YWHAH: variants seen among roughly 807,000 people sequenced by gnomAD.
The protein encoded by YWHAH is tyrosine 3-monooxygenase/tryptophan 5-monooxygenase activation protein eta, also known as 14-3-3 protein eta.
In YWHAH, 6 loss-of-function variants were observed where a neutral mutation model predicts 22.9. That is an observed-to-expected ratio of 0.26 (90% confidence interval 0.14 to 0.52). The LOEUF is 0.52. Ranked by LOEUF, YWHAH falls within the 20% of genes least tolerant of loss-of-function variation. The probability of loss-of-function intolerance (pLI) is 0.97; values close to 1 mark genes in which losing one functional copy is unlikely to be tolerated. For missense variants in YWHAH, 173 were observed against 308.6 expected (o/e 0.56, Z 3.29); for synonymous variants, 135 against 124.5 (o/e 1.08, Z -0.56).
chr22:31,954,650 C>T (rs2093847310), intron 1 of YWHAH, among the ~76,000 whole-genome samples: 1 of 152,156 alleles, frequency 6.6e-6, no homozygotes, highest in Non-Finnish European at 1.5e-5. Context: ...TTCCTAGGCA[C>T]TCTCCCAGCT....
rs2093830807 is a variant in YWHAH at position 31,944,778 on chromosome 22, G to A, written c.45G>A (p.Glu15=). Residue 15 remains glutamate, a synonymous_variant, in exon 1 of 2, where the codon GAG becomes GAA. Transcript: ENST00000248975. ...EQLLQRARLA[E]QAERYDDMAS... ...TGCTGCAGCGGGCGCGGCTGGCCGA[G>A]CAGGCGGAGCGCTACGACGACATGG... 2 of 1,423,702 alleles carry A rather than the reference G, an allele frequency of 1.4e-6. No individual in the cohort carries two copies. Among genetic ancestry groups the A allele is most frequent in the South Asian group, 1.3e-5 (1 of 75,732 alleles). The allele number at this position is 1,423,702 out of a possible 1,614,324, so 88.2% of individuals were successfully genotyped here.
At chr22:31,954,158 C>T (rs895649082) in intron 1 of YWHAH, among the ~76,000 whole-genome samples, 1 of 152,202 alleles carries the variant, frequency 6.6e-6, no homozygotes, top group African/African-American at 2.4e-5. Flanking sequence ...TAACTTTCCC[C>T]AATGAACTTG....
chr22:31,955,635 G>A (rs1603055353), intron 1 of YWHAH, among the ~76,000 whole-genome samples: 1 of 151,996 alleles, frequency 6.6e-6, no homozygotes, highest in Non-Finnish European at 1.5e-5. Context: ...TAGAGATGGG[G>A]TTTCACCATG....
At chr22:31,955,738 G>A (rs1168219726) in intron 1 of YWHAH, among the ~76,000 whole-genome samples, 6 of 152,120 alleles carry the variant, frequency 3.9e-5, no homozygotes, top group Non-Finnish European at 5.9e-5. Context: ...CATCGCGCCC[G>A]GCCTGTTCAG....
Position 31,950,076 on chromosome 22 carries a change from C to CTTTTTTTTTT in YWHAH, c.87+5285_87+5294dup, listed in dbSNP as rs557406783. Among the ~76,000 whole-genome samples the CTTTTTTTTTT allele has an allele frequency of 1.4e-4, 6 of 42,192 alleles. 2 individuals carry two copies. Among genetic ancestry groups the CTTTTTTTTTT allele is most frequent in the Admixed American group, 4.1e-4 (1 of 2,424 alleles). The allele number at this position is 42,192 out of a possible 152,430, so 27.7% of individuals were successfully genotyped here. A position where few individuals can be genotyped will look rare whatever the true frequency, so the allele number is the denominator to read the frequency against. On this transcript the variant is annotated intron_variant, in intron 1 of 1. Transcript: ENST00000248975. ...TTGCTTGTTCTGAAGGCTTGGAGGC[C>CTTTTTTTTTT]TTTTTTTTTTTTTTTTTTTTTTTTT...
chr22:31,949,956 A>ATT (rs34879732), intron 1 of YWHAH, among the ~76,000 whole-genome samples: 23 of 149,116 alleles, frequency 1.5e-4, no homozygotes, highest in South Asian at 6.4e-4. Flanking sequence ...GGTGCAAGTC[A>ATT]TTTTTTTTTT....
At chr22:31,955,439 CT>C (rs60830862) in intron 1 of YWHAH, among the ~76,000 whole-genome samples, 32,128 of 126,744 alleles carry the variant, frequency 0.25, 2,411 homozygotes, top group Non-Finnish European at 0.34. Context: ...TTCAGAGTAT[CT>C]TTTTTTTTTT....
Position 31,956,852 on chromosome 22 carries a change from C to A in YWHAH, c.*60C>A. 6.7e-7 allele frequency: 1 copy of A among 1,491,078 alleles called. No individual in the cohort carries two copies. The highest frequency in any genetic ancestry group is 1.8e-4 in the Middle Eastern group (1 of 5,668). 92.4% of individuals were successfully genotyped at this position (1,491,078 alleles called of 1,614,324 possible). On this transcript the variant is annotated 3_prime_UTR_variant, in exon 2 of 2. Coordinates refer to ENST00000248975, the MANE Select transcript of YWHAH (RefSeq NM_003405.4). The surrounding 1 kb of genome is among the most constrained non-coding windows in gnomAD (Gnocchi z 5.1). Reference sequence around the variant, plus strand: ...ACCACCCCCATCATCACCGATTCTTCCTTGCCACAATCACTAAATATCTAG... The same window carrying A: ...ACCACCCCCATCATCACCGATTCTTACTTGCCACAATCACTAAATATCTAG...
At chr22:31,945,523 G>A (rs2093832849) in intron 1 of YWHAH, 4 of 1,304,142 alleles carry the variant, frequency 3.1e-6, no homozygotes, top group Non-Finnish European at 4.0e-6. Flanking sequence ...GTGTGTCTTT[G>A]CATTCCTGAG....
chr22:31,956,484 A>T lies in YWHAH; in HGVS notation c.433A>T (p.Ser145Cys). 5 of 1,614,220 alleles carry T rather than the reference A, an allele frequency of 3.1e-6. No individual in the cohort carries two copies. Among genetic ancestry groups the T allele is most frequent in the Non-Finnish European group, 4.2e-6 (5 of 1,180,042 alleles). ...GGTCGCTTCTGGGGAGAAGAAAAAC[A>T]GTGTGGTCGAAGCTTCTGAAGCTGC... The part of the protein sequence containing the change: ...AEVASGEKKN[S>C]VVEASEAAYK... Residue 145 changes from serine to cysteine, a missense_variant, in exon 2 of 2, where the codon AGT becomes TGT. Ser to Cys is a moderately radical substitution (Grantham distance 112). Transcript: ENST00000248975. This position sits in a 1 kb window ranked among gnomAD's most constrained non-coding sequence, Gnocchi z 5.1.
chr22:31,944,663 G>A lies in YWHAH; in HGVS notation c.-71G>A. On this transcript the variant is annotated 5_prime_UTR_variant, in exon 1 of 2. Transcript: ENST00000248975. ...CGGCGGCCTCCGCAGCGACCGGGGA[G>A]CGGACTGACCGGCGGGAGGGCTAGC... 5 of 1,188,114 alleles carry A rather than the reference G, an allele frequency of 4.2e-6. No homozygotes were observed. The highest frequency in any genetic ancestry group is 4.2e-6 in the Non-Finnish European group (4 of 944,286). The allele number at this position is 1,188,114 out of a possible 1,614,324, so 73.6% of individuals were successfully genotyped here. A position where few individuals can be genotyped will look rare whatever the true frequency, so the allele number is the denominator to read the frequency against.
chr22:31,956,836 A>G lies in YWHAH; in HGVS notation c.*44A>G, dbSNP rs372639562. On this transcript the variant is annotated 3_prime_UTR_variant, in exon 2 of 2. Coordinates refer to ENST00000248975, the MANE Select transcript of YWHAH (RefSeq NM_003405.4). This position sits in a 1 kb window ranked among gnomAD's most constrained non-coding sequence, Gnocchi z 5.1. ...GGCCCTTCCTTCACCCACCACCCCCATCATCACCGATTCTTCCTTGCCACA... is the reference window on the plus strand; with the variant it reads ...GGCCCTTCCTTCACCCACCACCCCCGTCATCACCGATTCTTCCTTGCCACA... The G allele has an allele frequency of 2.0e-6, 3 of 1,510,126 alleles. No individual in the cohort carries two copies. The highest frequency in any genetic ancestry group is 1.4e-5 in the African/African-American group (1 of 71,962). The allele number at this position is 1,510,126 out of a possible 1,614,324, so 93.5% of individuals were successfully genotyped here. A position where few individuals can be genotyped will look rare whatever the true frequency, so the allele number is the denominator to read the frequency against.
chr22:31,950,264 C>T lies in YWHAH; in HGVS notation c.87+5444C>T, dbSNP rs774851729. 35 of 772,378 alleles carry T rather than the reference C, an allele frequency of 4.5e-5. No individual in the cohort carries two copies. The Middle Eastern group carries it at 6.8e-4, about 15-fold the overall frequency. 47.8% of individuals were successfully genotyped at this position (772,378 alleles called of 1,614,324 possible). On this transcript the variant is annotated intron_variant, in intron 1 of 1. Coordinates refer to ENST00000248975, the MANE Select transcript of YWHAH (RefSeq NM_003405.4). ...CTTTAATGTATTTTTCTCCCTGCAC[C>T]CTTTAGTATATTTTTATGCAGGCCC...
rs977956511 is a variant in YWHAH at position 31,950,122 on chromosome 22, A to C, written c.87+5302A>C. 2.7e-3 allele frequency among the ~76,000 whole-genome samples: 263 copies of C among 96,194 alleles called. 4 individuals are homozygous for C. The highest frequency in any genetic ancestry group is 0.011 in the African/African-American group (240 of 22,128). The allele number at this position is 96,194 out of a possible 152,430, so 63.1% of individuals were successfully genotyped here. On this transcript the variant is annotated intron_variant, in intron 1 of 1. Transcript: ENST00000248975. ...TTTTTTTTTTTTTTTTTTGCTTAAC[A>C]AAGTATTGAATTTGAGTTTCTCCTG...
At chr22:31,945,132 A>C in intron 1 of YWHAH, 1 of 1,086,308 alleles carries the variant, frequency 9.2e-7, no homozygotes, top group Non-Finnish European at 1.1e-6. Flanking sequence ...AGGGTGCCCT[A>C]GGGGACGCGA....
At chr22:31,947,295 T>A in intron 1 of YWHAH, 1 of 402,620 alleles carries the variant, frequency 2.5e-6, no homozygotes, top group Non-Finnish European at 5.1e-6. Flanking sequence ...ACCTTGAAAC[T>A]TACATCTTGG....
chr22:31,949,006 TTGTC>T (rs1295215837), intron 1 of YWHAH, among the ~76,000 whole-genome samples: 12 of 152,206 alleles, frequency 7.9e-5, no homozygotes, highest in Admixed American at 2.0e-4. Flanking sequence ...TAGTTGGTCT[TTGTC>T]TGGGATTTTA....
intron 1 of YWHAH, among the ~76,000 whole-genome samples, chr22:31,951,211 GACTT>G (rs965884148): frequency 2.6e-5 from 4 of 152,048 alleles, no homozygotes; most frequent in African/African-American, 9.7e-5. Context: ...CCCTCAAACT[GACTT>G]TTCTCACACA....
chr22:31,945,716 C>G (rs762527162), intron 1 of YWHAH: 5 of 1,230,522 alleles, frequency 4.1e-6, no homozygotes, highest in Non-Finnish European at 5.2e-6. Flanking sequence ...CAAGGTCACA[C>G]AGTGGTAGAA....
Sources: gnomAD v4.1 joint callset for allele counts (sites outside exome capture counted in the v4.1 genomes callset) on GRCh38, gnomAD v4.1.1 for gene constraint, Gnocchi (gnomAD v3.1) non-coding constraint, MANE v1.5 for transcripts, NCBI Gene and HGNC (gene_info 2026-07-23, HGNC 2026-07-21) for gene names.